Variants in AP1G1 observed in about 807,000 individuals in gnomAD.
AP1G1 encodes AP-1 complex subunit gamma-1.
Under a neutral mutation model 108.3 loss-of-function variants are expected in AP1G1, and 7 were observed. The ratio of observed to expected loss-of-function variants is 0.06; its 90% CI spans 0.04 to 0.12. The LOEUF is 0.12. Among genes scored for constraint, AP1G1 ranks in the 10% least tolerant of loss-of-function variants. AP1G1 has a pLI of 1.00. For missense variants in AP1G1, 756 were observed against 1,010.7 expected, an observed-to-expected ratio of 0.75 and a Z score of 3.42; for synonymous variants, 379 against 353.5, an observed-to-expected ratio of 1.07 and a Z score of -0.81.
At chr16:71,768,192 TAAAAA>T (rs10610445) in intron 6 of AP1G1, among the ~76,000 whole-genome samples, 5 of 99,802 alleles carry the variant, frequency 5.0e-5, no homozygotes, top group Non-Finnish European at 7.9e-5. Context: ...AATACTAGTT[TAAAAA>T]AAAAAAAAAA....
chr16:71,769,510 C>T, intron 6 of AP1G1, 113 bp downstream of exon 6: 2 of 1,031,200 alleles, frequency 1.9e-6, no homozygotes, highest in Non-Finnish European at 3.0e-6. Flanking sequence ...TAGTTAAATC[C>T]CTTATTCAGA....
At chr16:71,745,076 G>A (rs2030101842) in intron 19 of AP1G1, 68 bp downstream of exon 19, 6 of 1,569,982 alleles carry the variant, frequency 3.8e-6, no homozygotes, top group Non-Finnish European at 3.5e-6. Flanking sequence ...GAAAGTCTGG[G>A]TTCAGTTTAG....
intron 21 of AP1G1, among the ~76,000 whole-genome samples, chr16:71,736,117 A>AAAAAATATAT (rs1555550846): frequency 1.4e-5 from 1 of 71,618 alleles, no homozygotes; most frequent in African/African-American, 6.2e-5. Context: ...AAAAAAAAAA[A>AAAAAATATAT]ATATATATAT....
At chr16:71,755,268 G>T (rs1052435556) in intron 12 of AP1G1, among the ~76,000 whole-genome samples, 1 of 151,828 alleles carries the variant, frequency 6.6e-6, no homozygotes, top group South Asian at 2.1e-4. Flanking sequence ...TCTACAAAAA[G>T]AAAAAAACAA....
At chr16:71,734,577 G>C in intron 22 of AP1G1, 32 bp downstream of exon 22, 1 of 1,505,834 alleles carries the variant, frequency 6.6e-7, no homozygotes, top group Non-Finnish European at 9.2e-7. Flanking sequence ...TTACACTTCG[G>C]CTCAGATATT....
intron 1 of AP1G1, among the ~76,000 whole-genome samples, chr16:71,800,473 G>C (rs1299180266): frequency 1.3e-5 from 2 of 151,414 alleles, no homozygotes; most frequent in Admixed American, 1.3e-4. Context: ...TGTGAGGTCG[G>C]GAGTTCAAAA....
intron 1 of AP1G1, among the ~76,000 whole-genome samples, chr16:71,789,961 A>C (rs1294844250): frequency 6.6e-6 from 1 of 152,206 alleles, no homozygotes; most frequent in Non-Finnish European, 1.5e-5. Context: ...AAGAGAGAAG[A>C]CCAATTGTCA....
chr16:71,755,361 T>C (rs2030726481), intron 12 of AP1G1, among the ~76,000 whole-genome samples: 1 of 151,846 alleles, frequency 6.6e-6, no homozygotes, highest in African/African-American at 2.4e-5. Context: ...CCCCTGAACC[T>C]GGGAGGTCAA....
intron 1 of AP1G1, among the ~76,000 whole-genome samples, chr16:71,803,092 G>C (rs1226607479): frequency 6.6e-6 from 1 of 151,640 alleles, no homozygotes; most frequent in Admixed American, 6.6e-5. Context: ...GTGCACGCCT[G>C]CAGTCCCAGC....
chr16:71,776,921 T>G (rs2031800307), intron 2 of AP1G1, among the ~76,000 whole-genome samples: 1 of 151,300 alleles, frequency 6.6e-6, no homozygotes, highest in Non-Finnish European at 1.5e-5. Context: ...ACCAGCCTGG[T>G]CAACATGATG....
chr16:71,750,345 G>A lies in AP1G1; in HGVS notation c.1285-13C>T, dbSNP rs759480010. The A allele has an allele frequency of 2.5e-6, 4 of 1,613,434 alleles. No individual in the cohort carries two copies. The East Asian group carries it at 8.9e-5, about 36-fold the overall frequency. ...CATAACTTCCTGCCTAAAAGGAAAT[G>A]CAGACAATTACCCCTAGAAACACAC... On this transcript the variant is annotated splice_polypyrimidine_tract_variant and intron_variant, in intron 13 of 22. Transcript: ENST00000299980.
chr16:71,729,880 T>A lies in AP1G1; in HGVS notation c.*3178A>T, dbSNP rs954955330. The A allele has an allele frequency of 3.3e-5, 5 of 152,616 alleles. No homozygotes were observed. Among genetic ancestry groups the A allele is most frequent in the Non-Finnish European group, 7.3e-5 (5 of 68,030 alleles). 9.5% of individuals were successfully genotyped at this position (152,616 alleles called of 1,614,324 possible). A position where few individuals can be genotyped will look rare whatever the true frequency, so the allele number is the denominator to read the frequency against. ...TCAAACTCCTTTCCCCTAGTTCTCATGGCCCAAATATTTTCCAATGCAGAA... is the reference window on the plus strand; with the variant it reads ...TCAAACTCCTTTCCCCTAGTTCTCAAGGCCCAAATATTTTCCAATGCAGAA... On this transcript the variant is annotated 3_prime_UTR_variant, in exon 23 of 23. Coordinates refer to ENST00000299980, the MANE Select transcript of AP1G1 (RefSeq NM_001128.6).
intron 6 of AP1G1, chr16:71,766,456 A>C: frequency 2.1e-6 from 1 of 466,758 alleles, no homozygotes. Flanking sequence ...TCTGTTGATC[A>C]ATTACTTGAT....
At chr16:71,749,091 TAG>T (rs767243297) in intron 15 of AP1G1, among the ~76,000 whole-genome samples, 5 of 151,956 alleles carry the variant, frequency 3.3e-5, no homozygotes, top group Non-Finnish European at 5.9e-5. Context: ...TACTTTTTAG[TAG>T]AGATAGGGTT....
intron 6 of AP1G1, chr16:71,767,791 T>C: frequency 7.4e-7 from 1 of 1,352,120 alleles, no homozygotes; most frequent in Non-Finnish European, 1.0e-6. Flanking sequence ...TAGTATATTT[T>C]AAAAGCCACA....
At chr16:71,761,078 C>T (rs1317510087) in intron 10 of AP1G1, among the ~76,000 whole-genome samples, 2 of 152,188 alleles carry the variant, frequency 1.3e-5, no homozygotes, top group Non-Finnish European at 2.9e-5. Context: ...ACCTGTAAAA[C>T]CCAGCTCTCT....
chr16:71,761,973 ATAAC>A lies in AP1G1; in HGVS notation c.919-410_919-407del, dbSNP rs536958543. Among the ~76,000 whole-genome samples the A allele has an allele frequency of 1.7e-4, 26 of 152,276 alleles. No homozygotes were observed. In the South Asian group the frequency reaches 5.4e-3, roughly 32 times the overall value. On this transcript the variant is annotated intron_variant, in intron 9 of 22. Transcript: ENST00000299980. ...AGCCTCTTTAGAGGGAAATCTGGCA[ATAAC>A]TATATTTAAAATGAATATATATTCC...
At chr16:71,735,259 G>A (rs1049319726) in intron 21 of AP1G1, among the ~76,000 whole-genome samples, 1 of 152,182 alleles carries the variant, frequency 6.6e-6, no homozygotes, top group African/African-American at 2.4e-5. Context: ...ATGACAGAAG[G>A]AACGGAAAGA....
Position 71,729,692 on chromosome 16 carries a change from T to G in AP1G1, c.*3366A>C, listed in dbSNP as rs1434185156. On this transcript the variant is annotated 3_prime_UTR_variant, in exon 23 of 23. Coordinates refer to ENST00000299980, the MANE Select transcript of AP1G1 (RefSeq NM_001128.6). Reference sequence around the variant, plus strand: ...TAAACTTCAGGACTTTCTGTGCAATTCTCTCTCCAATGATCCTACCCACTC... The same window carrying G: ...TAAACTTCAGGACTTTCTGTGCAATGCTCTCTCCAATGATCCTACCCACTC... The G allele has an allele frequency of 6.6e-6, 1 of 152,560 alleles. No homozygotes were observed. The highest frequency in any genetic ancestry group is 1.5e-5 in the Non-Finnish European group (1 of 68,014). 9.5% of individuals were successfully genotyped at this position (152,560 alleles called of 1,614,324 possible).
Sources: allele counts gnomAD v4.1 joint callset (sites outside exome capture counted in the v4.1 genomes callset), GRCh38; gene constraint gnomAD v4.1.1; transcripts MANE v1.5; gene names NCBI Gene and HGNC (gene_info 2026-07-23, HGNC 2026-07-21).